WIPF3: variants seen among roughly 807,000 people sequenced by gnomAD.
The protein encoded by WIPF3 is WAS/WASL-interacting protein family member 3.
WIPF3 carries 33 observed loss-of-function variants against 38.9 expected under a neutral mutation model. The observed-to-expected ratio is 0.85, with a 90% CI of 0.64 to 1.14. WIPF3 has a LOEUF of 1.14. Ranked by LOEUF, WIPF3 falls within the 50% of genes most tolerant of loss-of-function variation. WIPF3 has a pLI of 0.00. For synonymous variants in WIPF3, 324 were observed against 269.3 expected (o/e 1.20, Z -1.99); for missense variants, 711 against 652.5 (o/e 1.09, Z -0.98).
At chr7:29,851,133 T>C (rs1785088379) in intron 2 of WIPF3, among the ~76,000 whole-genome samples, 1 of 152,192 alleles carries the variant, frequency 6.6e-6, no homozygotes, top group Non-Finnish European at 1.5e-5. Context: ...TGTCGTATTA[T>C]GCTCTTGCCA....
At chr7:29,889,444 G>A (rs1211109770) in intron 7 of WIPF3, 37 bp downstream of exon 7, 19 of 1,548,788 alleles carry the variant, frequency 1.2e-5, no homozygotes, top group Middle Eastern at 1.7e-4. Flanking sequence ...GGCATCTCCC[G>A]ACCCTTCAAA....
intron 2 of WIPF3, among the ~76,000 whole-genome samples, chr7:29,865,843 G>A (rs1322809696): frequency 5.3e-5 from 8 of 152,158 alleles, no homozygotes; most frequent in Admixed American, 4.6e-4. Context: ...TCATGCAAAG[G>A]TCCTAGAAAC....
At chr7:29,835,675 G>A (rs527398988) in intron 2 of WIPF3, among the ~76,000 whole-genome samples, 41 of 152,290 alleles carry the variant, frequency 2.7e-4, no homozygotes, top group African/African-American at 9.6e-4. Context: ...AAAACCAGGA[G>A]CACTTCTCAC....
chr7:29,908,932 G>C (rs1276126583), intron 8 of WIPF3, among the ~76,000 whole-genome samples: 1 of 146,370 alleles, frequency 6.8e-6, no homozygotes, highest in Non-Finnish European at 1.5e-5. Flanking sequence ...AAAAAAGATA[G>C]ATATCAGACA....
intron 7 of WIPF3, among the ~76,000 whole-genome samples, chr7:29,895,844 T>G (rs1786132518): frequency 6.6e-6 from 1 of 152,124 alleles, no homozygotes; most frequent in African/African-American, 2.4e-5. Context: ...CTCAGACACC[T>G]CACACCAGGC....
intron 2 of WIPF3, among the ~76,000 whole-genome samples, chr7:29,875,022 A>T (rs557970801): frequency 5.3e-5 from 8 of 152,230 alleles, no homozygotes; most frequent in African/African-American, 1.7e-4. Context: ...CAGTTTCCTC[A>T]TCTGTAAGAT....
chr7:29,901,890 T>C (rs1786288785), intron 7 of WIPF3, among the ~76,000 whole-genome samples: 1 of 150,444 alleles, frequency 6.6e-6, no homozygotes, highest in Non-Finnish European at 1.5e-5. Flanking sequence ...TGGGAATTGC[T>C]AACCTATGGT....
chr7:29,875,314 A>G (rs1033417473), intron 2 of WIPF3, among the ~76,000 whole-genome samples: 5 of 152,276 alleles, frequency 3.3e-5, no homozygotes, highest in African/African-American at 4.8e-5. Context: ...CCAGGACCCA[A>G]TAGCAAGGAG....
chr7:29,845,145 A>G (rs1784979751), intron 2 of WIPF3, among the ~76,000 whole-genome samples: 1 of 151,848 alleles, frequency 6.6e-6, no homozygotes, highest in Non-Finnish European at 1.5e-5. Context: ...TGTCCTCGGA[A>G]TAAAACTCAT....
rs1307961836 is a variant in WIPF3, at chr7:29,834,812, C to T, written c.88C>T (p.Pro30Ser). The T allele has an allele frequency of 2.6e-6, 4 of 1,541,918 alleles. No homozygotes were observed. The East Asian group carries it at 7.5e-5, about 29-fold the overall frequency. Residue 30 changes from proline (P) to serine (S), a missense_variant and splice_region_variant, in exon 2 of 9, where the codon CCG becomes TCG. Coordinates refer to ENST00000242140, the MANE Select transcript of WIPF3 (RefSeq NM_001080529.3). ...TCCCCCTCCCCCACCATCAGCACCC[C>T]CGGTAAGACCTTTTTTTCTGATTGG... is the stretch of plus-strand genomic sequence containing the variant. ...APPPPPPSAPPVSTDTSSLRR... is the reference protein window; with the variant it reads ...APPPPPPSAPSVSTDTSSLRR...
intron 7 of WIPF3, among the ~76,000 whole-genome samples, chr7:29,900,292 T>C (rs145906354): frequency 3.9e-5 from 6 of 152,348 alleles, no homozygotes; most frequent in East Asian, 3.9e-4. Context: ...TGGGTGATAT[T>C]AATTTTCTTT....
At chr7:29,848,490 A>G (rs1785038593) in intron 2 of WIPF3, among the ~76,000 whole-genome samples, 1 of 152,152 alleles carries the variant, frequency 6.6e-6, no homozygotes, top group Non-Finnish European at 1.5e-5. Context: ...AAGCAAAGAA[A>G]GAAGTTCTTT....
chr7:29,856,358 T>A (rs938475533), intron 2 of WIPF3, among the ~76,000 whole-genome samples: 4 of 152,346 alleles, frequency 2.6e-5, no homozygotes, highest in Admixed American at 6.5e-5. Context: ...CCAGGCACAG[T>A]GTCTCACACC....
intron 3 of WIPF3, among the ~76,000 whole-genome samples, chr7:29,877,689 TCC>T: frequency 6.6e-6 from 1 of 152,190 alleles, no homozygotes; most frequent in Non-Finnish European, 1.5e-5. Context: ...TTCTGATGGC[TCC>T]ATGAACGCAA....
intron 1 of WIPF3, among the ~76,000 whole-genome samples, chr7:29,834,381 A>G (rs1784765909): frequency 6.6e-6 from 1 of 152,142 alleles, no homozygotes; most frequent in South Asian, 2.1e-4. Context: ...CTATATATAT[A>G]TACATATATA....
chr7:29,810,954 T>G (rs1424401821), intron 1 of WIPF3, among the ~76,000 whole-genome samples: 1 of 152,172 alleles, frequency 6.6e-6, no homozygotes, highest in Non-Finnish European at 1.5e-5. Flanking sequence ...AGTGGTTTGA[T>G]CACAGCTCAC....
chr7:29,861,528 A>G (rs916020736), intron 2 of WIPF3, among the ~76,000 whole-genome samples: 1 of 152,186 alleles, frequency 6.6e-6, no homozygotes, highest in Non-Finnish European at 1.5e-5. Context: ...ACCTGTTAGC[A>G]TAGTAGTTTA....
intron 1 of WIPF3, among the ~76,000 whole-genome samples, chr7:29,818,603 C>CT (rs2128062322): frequency 6.7e-6 from 1 of 149,660 alleles, no homozygotes; most frequent in South Asian, 2.1e-4. Flanking sequence ...TCCGTGGAGT[C>CT]TGTTAGGTTT....
intron 2 of WIPF3, among the ~76,000 whole-genome samples, chr7:29,865,208 T>A (rs1785364685): frequency 6.6e-6 from 1 of 152,108 alleles, no homozygotes; most frequent in Non-Finnish European, 1.5e-5. Context: ...ACCGAGGTGA[T>A]GGGACTCTGG....
Sources: allele counts gnomAD v4.1 joint callset (sites outside exome capture counted in the v4.1 genomes callset), GRCh38; gene constraint gnomAD v4.1.1; transcripts MANE v1.5; gene names NCBI Gene and HGNC (gene_info 2026-07-23, HGNC 2026-07-21).